Variants in GPHN observed in about 807,000 individuals in gnomAD.
The protein encoded by GPHN is gephyrin.
In GPHN, 17 loss-of-function variants were observed where a neutral mutation model predicts 95.5. That is an observed-to-expected ratio of 0.18 (90% CI 0.12 to 0.27). GPHN has a LOEUF of 0.27. Among genes scored for constraint, GPHN ranks in the 10% least tolerant of loss-of-function variants. The probability of loss-of-function intolerance (pLI) is 1.00; values close to 1 mark genes in which losing one functional copy is unlikely to be tolerated. For missense variants in GPHN, 660 were observed against 978.1 expected (o/e 0.67, Z 4.34); for synonymous variants, 320 against 322.5 (o/e 0.99, Z 0.08).
the GPHN span, among the ~76,000 whole-genome samples, chr14:67,196,223 C>CTTTTTTTTT: frequency 0.012 from 1,647 of 142,930 alleles, 19 homozygotes; most frequent in Non-Finnish European, 0.018. Context: ...TTCTTTCTTT[C>CTTTTTTTTT]TTTTTTTTTT....
the GPHN span, chr14:67,656,506 AT>A: frequency 3.7e-6 from 6 of 1,613,836 alleles, no homozygotes; most frequent in Non-Finnish European, 5.1e-6. Context: ...TGGCAATCCG[AT>A]GAGAACGTTC....
chr14:66,702,653 T>C (rs2068665080), intron 2 of GPHN, among the ~76,000 whole-genome samples: 1 of 151,804 alleles, frequency 6.6e-6, no homozygotes, highest in African/African-American at 2.4e-5. Context: ...CATCCAAGGG[T>C]CAGCATCCTC....
the GPHN span, among the ~76,000 whole-genome samples, chr14:67,668,997 A>T: frequency 6.6e-6 from 1 of 152,250 alleles, no homozygotes; most frequent in South Asian, 2.1e-4. Context: ...TGGTATTCTT[A>T]ATTTTCATTT....
intron 1 of GPHN, among the ~76,000 whole-genome samples, chr14:66,587,126 A>G (rs139380908): frequency 1.3e-5 from 2 of 152,282 alleles, no homozygotes; most frequent in African/African-American, 4.8e-5. Context: ...AACAAATTAC[A>G]TAACCTAAAA....
chr14:66,985,500 G>C (rs1300930364), intron 9 of GPHN, among the ~76,000 whole-genome samples: 2 of 151,874 alleles, frequency 1.3e-5, no homozygotes, highest in Non-Finnish European at 2.9e-5. Context: ...TGAATTCTAG[G>C]GACCAGCCTA....
chr14:67,570,144 C>T, the GPHN span: 2 of 714,848 alleles, frequency 2.8e-6, no homozygotes, highest in South Asian at 3.6e-5. Context: ...CTGAGCCCAG[C>T]ACGTGTCATT....
chr14:67,163,754 C>T (rs2153721467), intron 19 of GPHN, among the ~76,000 whole-genome samples: 1 of 152,036 alleles, frequency 6.6e-6, no homozygotes, highest in Non-Finnish European at 1.5e-5. Flanking sequence ...AATATTTCAT[C>T]TGTATGAAAA....
At chr14:67,056,812 G>C (rs1218442073) in intron 10 of GPHN, among the ~76,000 whole-genome samples, 3 of 119,726 alleles carry the variant, frequency 2.5e-5, no homozygotes, top group Non-Finnish European at 1.8e-5. Context: ...CAGTGGGGGT[G>C]GGGGGGGGTC....
intron 1 of GPHN, among the ~76,000 whole-genome samples, chr14:66,519,654 T>C (rs1594798792): frequency 6.6e-6 from 1 of 152,138 alleles, no homozygotes; most frequent in East Asian, 1.9e-4. Context: ...CTGCCTGACC[T>C]TGATAGGCAT....
At chr14:66,935,724 G>A (rs1029825988) in intron 8 of GPHN, among the ~76,000 whole-genome samples, 27 of 151,504 alleles carry the variant, frequency 1.8e-4, no homozygotes, top group African/African-American at 4.8e-4. Context: ...TTATGTGCAC[G>A]TATACATGTG....
At chr14:67,568,787 A>T in the GPHN span, among the ~76,000 whole-genome samples, 1 of 152,168 alleles carries the variant, frequency 6.6e-6, no homozygotes, top group Admixed American at 6.5e-5. Flanking sequence ...GGTAGGATTC[A>T]GAGCAACAGT....
rs201986720 is a variant in GPHN, at chr14:66,698,919, CA to C, written c.143+17737del. 5.9e-3 allele frequency among the ~76,000 whole-genome samples: 898 copies of C among 152,228 alleles called. 30 individuals are homozygous for C. Among genetic ancestry groups the C allele is most frequent in the Admixed American group, 0.047 (711 of 15,286 alleles). ...TGCAGATAAGTGGAACCAAGGAGTTCAAACTTGTGTTGTTCAAGGGTAAACT... is the reference window on the plus strand; with the variant it reads ...TGCAGATAAGTGGAACCAAGGAGTTCAACTTGTGTTGTTCAAGGGTAAACT... On this transcript the variant is annotated intron_variant, in intron 2 of 22. Coordinates refer to ENST00000478722, the MANE Select transcript of GPHN (RefSeq NM_020806.5).
At chr14:66,576,500 T>C (rs2060906435) in intron 1 of GPHN, among the ~76,000 whole-genome samples, 1 of 151,992 alleles carries the variant, frequency 6.6e-6, no homozygotes, top group African/African-American at 2.4e-5. Flanking sequence ...TTTTTAAATC[T>C]TGGAAATGTG....
chr14:67,681,946 C>T, the GPHN span, among the ~76,000 whole-genome samples: 1 of 152,084 alleles, frequency 6.6e-6, no homozygotes, highest in Admixed American at 6.5e-5. Flanking sequence ...TTAATAAAAG[C>T]TTTGCCCTCA....
At chr14:67,529,613 T>G in the GPHN span, among the ~76,000 whole-genome samples, 5 of 152,270 alleles carry the variant, frequency 3.3e-5, no homozygotes, top group East Asian at 5.8e-4. Context: ...CTTTCCTTCC[T>G]AACTGGCCCT....
chr14:67,581,456 G>A, the GPHN span: 6 of 174,484 alleles, frequency 3.4e-5, no homozygotes, highest in Admixed American at 3.3e-4. Flanking sequence ...AACCTGGGAG[G>A]TTGAGGCTGC....
chr14:67,610,794 A>G, the GPHN span, among the ~76,000 whole-genome samples: 6 of 152,052 alleles, frequency 3.9e-5, no homozygotes, highest in African/African-American at 1.4e-4. Context: ...CTGCCTACCA[A>G]AGTACCCTTA....
At chr14:66,909,899 G>C (rs2065583454) in intron 5 of GPHN, among the ~76,000 whole-genome samples, 1 of 151,920 alleles carries the variant, frequency 6.6e-6, no homozygotes. Context: ...TTGGATAGAA[G>C]ATCAGGATAC....
chr14:67,418,483 C>T, the GPHN span, among the ~76,000 whole-genome samples: 2 of 152,196 alleles, frequency 1.3e-5, no homozygotes, highest in Admixed American at 6.5e-5. Context: ...GGTCTTGTGA[C>T]TCGATTTGGA....
Sources: allele counts gnomAD v4.1 joint callset (sites outside exome capture counted in the v4.1 genomes callset), GRCh38; gene constraint gnomAD v4.1.1; transcripts MANE v1.5; gene names NCBI Gene and HGNC (gene_info 2026-07-23, HGNC 2026-07-21).